Variants in MPPED2 observed in about 807,000 individuals in gnomAD.
MPPED2 encodes metallophosphoesterase MPPED2.
MPPED2 carries 5 observed loss-of-function variants against 33.0 expected under a neutral mutation model. The ratio of observed to expected loss-of-function variants is 0.15; its 90% confidence interval spans 0.08 to 0.32. The LOEUF is 0.32. MPPED2 is among the 10% of genes least tolerant of loss of function. The pLI, the probability that MPPED2 is intolerant of heterozygous loss-of-function variation, is 1.00. For synonymous variants in MPPED2, 136 were observed against 141.9 expected (o/e 0.96, Z 0.29); for missense variants, 275 against 372.1 (o/e 0.74, Z 2.15).
chr11:30,504,620 C>A, intron 3 of MPPED2: 1 of 452,610 alleles, frequency 2.2e-6, no homozygotes, highest in South Asian at 1.9e-5. Flanking sequence ...CTTGACTCAG[C>A]TACAAAACCA....
At chr11:30,412,463 C>G (rs185379563) in intron 6 of MPPED2, among the ~76,000 whole-genome samples, 301 of 151,990 alleles carry the variant, frequency 2.0e-3, no homozygotes, top group African/African-American at 6.9e-3. Flanking sequence ...AGGCTCTTAT[C>G]GCATATAAAA....
rs372947669 is a variant in MPPED2, at chr11:30,421,270, G to A, written c.537-3637C>T. Among the ~76,000 whole-genome samples the A allele has an allele frequency of 4.6e-5, 7 of 152,034 alleles. No individual in the cohort carries two copies. The East Asian group carries it at 1.2e-3, about 25-fold the overall frequency. ...AAACCCCACAGCCATATTCCCCCAG[G>A]AAATCCTCAGTTTTATAAGTGCTCT... On this transcript the variant is annotated intron_variant, in intron 4 of 6. Transcript: ENST00000358117.
At chr11:30,431,119 C>T (rs1949058630) in intron 4 of MPPED2, among the ~76,000 whole-genome samples, 1 of 152,174 alleles carries the variant, frequency 6.6e-6, no homozygotes, top group Non-Finnish European at 1.5e-5. Context: ...GAAAGCTATT[C>T]TTTTTGTCAT....
chr11:30,392,550 T>G (rs953470247), intron 6 of MPPED2, among the ~76,000 whole-genome samples: 1 of 152,240 alleles, frequency 6.6e-6, no homozygotes, highest in Non-Finnish European at 1.5e-5. Flanking sequence ...AATTGCTTCT[T>G]GATTAATCAC....
intron 6 of MPPED2, among the ~76,000 whole-genome samples, chr11:30,389,379 A>T (rs1947743121): frequency 6.6e-6 from 1 of 152,184 alleles, no homozygotes; most frequent in Non-Finnish European, 1.5e-5. Flanking sequence ...GCCAACCCTT[A>T]TATTTGAAAA....
intron 2 of MPPED2, among the ~76,000 whole-genome samples, chr11:30,553,686 T>C (rs2134648384): frequency 6.6e-6 from 1 of 152,232 alleles, no homozygotes; most frequent in East Asian, 1.9e-4. Context: ...TGGAAAACAA[T>C]GGGCTTTGTC....
In MPPED2 at chr11:30,528,611, G is replaced by A. The variant is rs17310796; in HGVS notation, c.310+7383C>T. ...TGTGAGCTTTCATAATTAGAAAATC[G>A]TTTACAGGTTTTTATTTATTTATTT... On this transcript the variant is annotated intron_variant, in intron 3 of 6. Coordinates refer to ENST00000358117, the MANE Select transcript of MPPED2 (RefSeq NM_001584.3). Among the ~76,000 whole-genome samples the A allele has an allele frequency of 8.0e-3, 1,220 of 152,146 alleles. 8 individuals carry two copies. Among genetic ancestry groups the A allele is most frequent in the Non-Finnish European group, 0.014 (942 of 67,994 alleles).
At chr11:30,484,150 C>A (rs1018511515) in intron 4 of MPPED2, among the ~76,000 whole-genome samples, 1 of 152,094 alleles carries the variant, frequency 6.6e-6, no homozygotes, top group South Asian at 2.1e-4. Context: ...TGTAAACCCA[C>A]CACACCAAGA....
At chr11:30,537,336 T>C (rs1954862700) in intron 2 of MPPED2, among the ~76,000 whole-genome samples, 1 of 152,160 alleles carries the variant, frequency 6.6e-6, no homozygotes, top group Admixed American at 6.5e-5. Context: ...ATGCAGAGAT[T>C]AGAGTGTGAA....
At chr11:30,483,020 C>T (rs1951559316) in intron 4 of MPPED2, among the ~76,000 whole-genome samples, 1 of 152,186 alleles carries the variant, frequency 6.6e-6, no homozygotes, top group Non-Finnish European at 1.5e-5. Context: ...GTGAATGTAG[C>T]AAGGCACTCA....
At position 30,486,262 on chromosome 11, in the gene MPPED2, C is replaced by T. The variant is rs570664770; in HGVS notation, c.536+9034G>A. ...ACTGTCAATGGGACTCTAGTGGGCT[C>T]ACTGTCTGGCAAGACCTGGAGAAGT... On this transcript the variant is annotated intron_variant, in intron 4 of 6. Coordinates refer to ENST00000358117, the MANE Select transcript of MPPED2 (RefSeq NM_001584.3). Among the ~76,000 whole-genome samples, 14 of 152,260 alleles carry T rather than the reference C, an allele frequency of 9.2e-5. 1 individual carries two copies. In the South Asian group the frequency reaches 2.7e-3, roughly 29 times the overall value.
At chr11:30,488,526 T>G (rs1951836567) in intron 4 of MPPED2, among the ~76,000 whole-genome samples, 1 of 152,242 alleles carries the variant, frequency 6.6e-6, no homozygotes, top group African/African-American at 2.4e-5. Context: ...AGATCCCACA[T>G]GACCAGTTCT....
At chr11:30,405,646 A>C (rs184534605), downstream of MPPED2, among the ~76,000 whole-genome samples, 544 of 152,094 alleles carry the variant, frequency 3.6e-3, 5 homozygotes, top group African/African-American at 0.012. Context: ...AAGTTAAAGA[A>C]CTCATTTTCT....
At position 30,442,882 on chromosome 11, in the gene MPPED2, C is replaced by T. The variant is rs115309228; in HGVS notation, c.537-25249G>A. On this transcript the variant is annotated intron_variant, in intron 4 of 6. Coordinates refer to ENST00000358117, the MANE Select transcript of MPPED2 (RefSeq NM_001584.3). ...TTAAAAAATTAACTGGGTATGGTGGCTTGAGCCTGTAGCTCCAGCTACTCC... is the reference window on the plus strand; with the variant it reads ...TTAAAAAATTAACTGGGTATGGTGGTTTGAGCCTGTAGCTCCAGCTACTCC... Among the ~76,000 whole-genome samples, 88 of 152,218 alleles carry T rather than the reference C, an allele frequency of 5.8e-4. 2 individuals are homozygous for T. Among genetic ancestry groups the T allele is most frequent in the African/African-American group, 2.1e-3 (87 of 41,540 alleles).
chr11:30,501,724 A>C (rs1468361650), intron 3 of MPPED2: 1 of 434,180 alleles, frequency 2.3e-6, no homozygotes, highest in African/African-American at 2.2e-5. Flanking sequence ...GCAGCAAGGA[A>C]TAGATGAAAA....
At chr11:30,429,037 G>A (rs1180661949) in intron 4 of MPPED2, 1 of 152,106 alleles carries the variant, frequency 6.6e-6, no homozygotes, top group Admixed American at 6.6e-5. Flanking sequence ...CATTTGATAT[G>A]GGTGGGCCAA....
downstream of MPPED2, chr11:30,410,115 T>C: frequency 6.1e-6 from 6 of 985,228 alleles, no homozygotes; most frequent in Non-Finnish European, 7.2e-6. Context: ...AAAAAATCAC[T>C]TATTCTAATT....
intron 4 of MPPED2, among the ~76,000 whole-genome samples, chr11:30,462,161 C>T (rs1950538042): frequency 6.6e-6 from 1 of 152,240 alleles, no homozygotes; most frequent in African/African-American, 2.4e-5. Context: ...TGAAAGTTCA[C>T]ATTGAACACC....
chr11:30,464,558 CT>C (rs1265824951), intron 4 of MPPED2, among the ~76,000 whole-genome samples: 2 of 152,164 alleles, frequency 1.3e-5, no homozygotes, highest in Non-Finnish European at 2.9e-5. Context: ...CTTCTTCAAA[CT>C]GGCTGTTTTC....
Sources: allele counts gnomAD v4.1 joint callset (sites outside exome capture counted in the v4.1 genomes callset), GRCh38; gene constraint gnomAD v4.1.1; transcripts MANE v1.5; gene names NCBI Gene and HGNC (gene_info 2026-07-23, HGNC 2026-07-21).